The following CCDC171 variants were observed in gnomAD, a reference collection of about 807,000 sequenced individuals.
CCDC171 encodes coiled-coil domain-containing protein 171.
Under a neutral mutation model 168.2 loss-of-function variants are expected in CCDC171, and 177 were observed. The ratio of observed to expected loss-of-function variants is 1.05; its 90% CI spans 0.93 to 1.19. The LOEUF (loss-of-function observed/expected upper bound fraction) is 1.19, where lower values mean the gene tolerates loss of function less well. CCDC171 is among the 50% of genes most tolerant of loss of function. The pLI is 0.00. For synonymous variants in CCDC171, 687 were observed against 540.8 expected (o/e 1.27, Z -3.75); for missense variants, 1,991 against 1,539.0 (o/e 1.29, Z -4.91).
chr9:15,895,587 A>C (rs929551678), intron 24 of CCDC171, among the ~76,000 whole-genome samples: 57 of 152,210 alleles, frequency 3.7e-4, no homozygotes, highest in African/African-American at 1.3e-3. Flanking sequence ...CAGCTCTAAT[A>C]ATCTTCATTG....
intron 7 of CCDC171, among the ~76,000 whole-genome samples, chr9:15,636,842 A>G (rs143974808): frequency 0.011 from 1,693 of 152,022 alleles, 39 homozygotes; most frequent in African/African-American, 0.04. Flanking sequence ...TAAGGATGCT[A>G]GAAAACTCTA....
chr9:15,999,276 A>C (rs1832465759), intron 3 of CCDC171, among the ~76,000 whole-genome samples: 1 of 151,228 alleles, frequency 6.6e-6, no homozygotes, highest in Non-Finnish European at 1.5e-5. Flanking sequence ...GAAAGAAAGA[A>C]AGAAAGGAGG....
At chr9:15,650,850 A>G (rs750536877) in intron 7 of CCDC171, among the ~76,000 whole-genome samples, 54 of 152,202 alleles carry the variant, frequency 3.5e-4, no homozygotes, top group Non-Finnish European at 7.4e-4. Context: ...GATCATTTCT[A>G]TGTGTTAGGA....
At chr9:15,985,922 TAATC>T (rs1199480017) in intron 3 of CCDC171, among the ~76,000 whole-genome samples, 1 of 152,220 alleles carries the variant, frequency 6.6e-6, no homozygotes, top group East Asian at 1.9e-4. Context: ...ATAGACTGGT[TAATC>T]AATGGAGAAT....
intron 24 of CCDC171, among the ~76,000 whole-genome samples, chr9:15,905,638 C>G (rs1365017032): frequency 6.6e-6 from 1 of 152,026 alleles, no homozygotes; most frequent in Non-Finnish European, 1.5e-5. Context: ...CAAACACATT[C>G]AAAAGCTAGC....
chr9:15,741,139 A>G (rs1293530631), intron 16 of CCDC171, among the ~76,000 whole-genome samples: 1 of 152,180 alleles, frequency 6.6e-6, no homozygotes, highest in Non-Finnish European at 1.5e-5. Context: ...AATATGCATG[A>G]CATAACATTT....
At chr9:15,950,382 G>A (rs150207264) in intron 25 of CCDC171, among the ~76,000 whole-genome samples, 2,600 of 152,120 alleles carry the variant, frequency 0.017, 87 homozygotes, top group South Asian at 0.12. Context: ...GAGAAAGGTC[G>A]GGTTACCCAC....
At chr9:15,712,583 A>G (rs1457996907) in intron 11 of CCDC171, among the ~76,000 whole-genome samples, 3 of 152,236 alleles carry the variant, frequency 2.0e-5, no homozygotes, top group South Asian at 2.1e-4. Flanking sequence ...TAGTTTGGTC[A>G]GAAACGTTAT....
chr9:15,647,425 A>G (rs2047135618), intron 7 of CCDC171, among the ~76,000 whole-genome samples: 1 of 152,192 alleles, frequency 6.6e-6, no homozygotes, highest in African/African-American at 2.4e-5. Context: ...ATAGAGACAC[A>G]AAAAACCCTT....
In CCDC171 at chr9:15,874,589, C is replaced by T. The variant is rs1321983119; in HGVS notation, c.3526C>T (p.Gln1176Ter). ...SAASRNDFTLQLPKLHLETFA... is the reference protein window; with the variant it reads ...SAASRNDFTL Reference sequence around the variant, plus strand: ...GGCAAGTAGGAATGACTTCACCCTACAGCTACCCAAACTGCACCTGGAGAC... The same window carrying T: ...GGCAAGTAGGAATGACTTCACCCTATAGCTACCCAAACTGCACCTGGAGAC... Residue 1176 changes from glutamine to a stop codon, truncating the protein, a stop_gained, in exon 24 of 26, where the codon CAG becomes TAG. Coordinates refer to ENST00000380701, the MANE Select transcript of CCDC171 (RefSeq NM_173550.4). LOFTEE classifies it high-confidence loss of function. The T allele has an allele frequency of 3.1e-6, 5 of 1,607,588 alleles. No homozygotes were observed. Among genetic ancestry groups the T allele is most frequent in the Admixed American group, 1.7e-5 (1 of 59,134 alleles).
intron 3 of CCDC171, among the ~76,000 whole-genome samples, chr9:15,981,251 A>C (rs773110012): frequency 6.6e-6 from 1 of 152,064 alleles, no homozygotes; most frequent in Non-Finnish European, 1.5e-5. Flanking sequence ...AGGTCATGAG[A>C]GTCCTCTTGA....
At chr9:15,621,643 G>C (rs771756692) in intron 6 of CCDC171, among the ~76,000 whole-genome samples, 5 of 152,192 alleles carry the variant, frequency 3.3e-5, no homozygotes, top group Non-Finnish European at 5.9e-5. Flanking sequence ...ATGCTGGCGA[G>C]GTTGTGGAGA....
intron 23 of CCDC171, among the ~76,000 whole-genome samples, chr9:15,872,809 C>T (rs1817340007): frequency 6.6e-6 from 1 of 151,902 alleles, no homozygotes. Flanking sequence ...CCTTAATCCA[C>T]ATTAATGTTT....
intron 18 of CCDC171, 108 bp from the exon 19 acceptor site, chr9:15,777,492 A>C: frequency 1.6e-6 from 1 of 625,226 alleles, no homozygotes; most frequent in Non-Finnish European, 2.7e-6. Context: ...ACTACAGGTG[A>C]ATGGGAATTA....
At chr9:15,871,814 A>T (rs966676920) in intron 23 of CCDC171, among the ~76,000 whole-genome samples, 2 of 151,554 alleles carry the variant, frequency 1.3e-5, no homozygotes, top group Non-Finnish European at 3.0e-5. Context: ...GTTTCTTGTC[A>T]TCTTTCTTTT....
chr9:15,951,073 G>A (rs10962238), intron 25 of CCDC171, among the ~76,000 whole-genome samples: 36,307 of 135,676 alleles, frequency 0.27, 6,585 homozygotes, highest in East Asian at 0.57. Flanking sequence ...AGAAGAGCTA[G>A]GTATCCTAAA....
rs142890347 is a variant in CCDC171 at position 15,736,549 on chromosome 9, G to A, written c.2049+6751G>A. Among the ~76,000 whole-genome samples, 1,128 of 152,116 alleles carry A rather than the reference G, an allele frequency of 7.4e-3. 8 individuals carry two copies. Among genetic ancestry groups the A allele is most frequent in the African/African-American group, 0.025 (1,027 of 41,498 alleles). On this transcript the variant is annotated intron_variant, in intron 16 of 25. Coordinates refer to ENST00000380701, the MANE Select transcript of CCDC171 (RefSeq NM_173550.4). Reference sequence around the variant, plus strand: ...ATTTTTTAAGTAGAGACGGGGTTTCGCCCTGTTGTCCAGGCTGGCCCTGAA... The same window carrying A: ...ATTTTTTAAGTAGAGACGGGGTTTCACCCTGTTGTCCAGGCTGGCCCTGAA...
chr9:15,906,210 G>C (rs2131728739), intron 24 of CCDC171, among the ~76,000 whole-genome samples: 1 of 152,270 alleles, frequency 6.6e-6, no homozygotes, highest in Non-Finnish European at 1.5e-5. Context: ...GCCTGGCAGA[G>C]ACACAACCCA....
rs1277449840 is a variant in CCDC171 at position 15,817,278 on chromosome 9, G to A, written c.3268-29424G>A. Among the ~76,000 whole-genome samples, 6 of 118,038 alleles carry A rather than the reference G, an allele frequency of 5.1e-5. 1 individual carries two copies. The highest frequency in any genetic ancestry group is 1.1e-4 in the Non-Finnish European group (6 of 52,454). 77.4% of individuals were successfully genotyped at this position (118,038 alleles called of 152,430 possible). ...AGCTCCCAGTGTGAGCGACGCAGAAGATGGGTGATTTCTGCATTTCCAACT... is the reference window on the plus strand; with the variant it reads ...AGCTCCCAGTGTGAGCGACGCAGAAAATGGGTGATTTCTGCATTTCCAACT... On this transcript the variant is annotated intron_variant, in intron 21 of 25. Transcript: ENST00000380701.
Sources: allele counts gnomAD v4.1 joint callset (sites outside exome capture counted in the v4.1 genomes callset), GRCh38; gene constraint gnomAD v4.1.1; transcripts MANE v1.5; gene names NCBI Gene and HGNC (gene_info 2026-07-23, HGNC 2026-07-21).